The following CALN1 variants were observed in gnomAD, a reference collection of about 807,000 sequenced individuals.
CALN1 encodes the protein calneuron 1.
Under a neutral mutation model 30.6 loss-of-function variants are expected in CALN1, and 17 were observed. That is an observed-to-expected ratio of 0.56 (90% CI 0.38 to 0.83). The LOEUF (loss-of-function observed/expected upper bound fraction) is 0.83, where lower values mean the gene tolerates loss of function less well. CALN1 is among the 40% of genes least tolerant of loss of function. The pLI, the probability that CALN1 is intolerant of heterozygous loss-of-function variation, is 0.00. For synonymous variants in CALN1, 156 were observed against 131.4 expected, an observed-to-expected ratio of 1.19 and a Z score of -1.28; for missense variants, 291 against 354.9, an observed-to-expected ratio of 0.82 and a Z score of 1.45.
intron 2 of CALN1, among the ~76,000 whole-genome samples, chr7:72,331,665 AT>A (rs1423280234): frequency 6.6e-6 from 1 of 151,908 alleles, no homozygotes; most frequent in African/African-American, 2.4e-5. Flanking sequence ...TATTCATTTT[AT>A]TTTTTTTCCA....
chr7:72,475,941 CTTT>C, the CALN1 span, among the ~76,000 whole-genome samples: 102 of 75,870 alleles, frequency 1.3e-3, 1 homozygote, highest in Non-Finnish European at 1.9e-3. Context: ...CTCTCTCTCT[CTTT>C]TTTTTTTTTT....
chr7:72,352,746 A>G (rs1016546659), intron 2 of CALN1, among the ~76,000 whole-genome samples: 2 of 152,138 alleles, frequency 1.3e-5, no homozygotes, highest in African/African-American at 4.8e-5. Flanking sequence ...TAAAAAGAGA[A>G]GAACAAATTA....
upstream of CALN1, among the ~76,000 whole-genome samples, chr7:72,448,158 C>T (rs1173706555): frequency 6.6e-6 from 1 of 152,154 alleles, no homozygotes; most frequent in African/African-American, 2.4e-5. Context: ...ACACATCTTC[C>T]CATGCACACA....
chr7:71,818,503 G>C (rs938862207), intron 5 of CALN1, among the ~76,000 whole-genome samples: 1 of 151,934 alleles, frequency 6.6e-6, no homozygotes, highest in Non-Finnish European at 1.5e-5. Context: ...ACGGTGAAAA[G>C]CTTAATTGTA....
At chr7:72,094,132 T>A (rs576063399) in intron 4 of CALN1, among the ~76,000 whole-genome samples, 1 of 152,290 alleles carries the variant, frequency 6.6e-6, no homozygotes, top group South Asian at 2.1e-4. Context: ...ACATTCTAGG[T>A]CTGATGTGAA....
chr7:72,399,946 G>C (rs952541798), intron 2 of CALN1, among the ~76,000 whole-genome samples: 3 of 152,208 alleles, frequency 2.0e-5, no homozygotes, highest in Admixed American at 6.5e-5. Flanking sequence ...CATCTCTCTT[G>C]TTCCCTCTCT....
At position 72,214,301 on chromosome 7, in the gene CALN1, G is replaced by A. The variant is rs539176492; in HGVS notation, c.244+64385C>T. On this transcript the variant is annotated intron_variant, in intron 3 of 6. Coordinates refer to ENST00000395275, the MANE Select transcript of CALN1 (RefSeq NM_031468.4). ...TTGACACCAGCCTGGCCAACATGAT[G>A]AAACCCTGTCTCTACTAAAAATATA... Among the ~76,000 whole-genome samples, 482 of 152,226 alleles carry A rather than the reference G, an allele frequency of 3.2e-3. 1 individual carries two copies. Among genetic ancestry groups the A allele is most frequent in the Non-Finnish European group, 5.3e-3 (360 of 68,012 alleles).
In CALN1 at chr7:71,781,813, A is replaced by C. The variant is rs1261360194; in HGVS notation, c.*5962T>G. 6.6e-6 allele frequency: 1 copy of C among 152,202 alleles called. No homozygotes were observed. Among genetic ancestry groups the C allele is most frequent in the Non-Finnish European group, 1.5e-5 (1 of 68,042 alleles). 9.4% of individuals were successfully genotyped at this position (152,202 alleles called of 1,614,324 possible). ...CATGGGGGTTGTGCTCAACTGATGA[A>C]CTACCCCAAGGTCAGGGTAGGGGCA... On this transcript the variant is annotated 3_prime_UTR_variant, in exon 7 of 7. Transcript: ENST00000395275.
intron 1 of CALN1, 84 bp downstream of exon 1, chr7:72,411,971 TGAA>T (rs1807193835): frequency 6.6e-6 from 1 of 152,164 alleles, no homozygotes; most frequent in African/African-American, 2.4e-5. Flanking sequence ...CTCCAGACTA[TGAA>T]AGTACCCAGA....
chr7:72,203,979 CTT>C (rs869149598), intron 3 of CALN1, among the ~76,000 whole-genome samples: 435 of 83,508 alleles, frequency 5.2e-3, no homozygotes, highest in African/African-American at 0.022. Context: ...AGGCCTCTCT[CTT>C]TTTTTTTTTT....
At chr7:72,048,786 C>T (rs1489468049) in intron 4 of CALN1, among the ~76,000 whole-genome samples, 2 of 150,140 alleles carry the variant, frequency 1.3e-5, no homozygotes, top group Non-Finnish European at 3.0e-5. Context: ...CCCTCCCTTC[C>T]TCCTTCCTTT....
intron 3 of CALN1, among the ~76,000 whole-genome samples, chr7:72,185,674 G>A (rs1221723713): frequency 6.6e-6 from 1 of 152,136 alleles, no homozygotes; most frequent in African/African-American, 2.4e-5. Flanking sequence ...ACGTGTTGTG[G>A]GAGGGACACA....
intron 5 of CALN1, among the ~76,000 whole-genome samples, chr7:71,928,080 C>A (rs1795358964): frequency 6.6e-6 from 1 of 152,114 alleles, no homozygotes; most frequent in African/African-American, 2.4e-5. Flanking sequence ...TGTGCTTTGC[C>A]ACAGAAGTGA....
rs149331612 is a variant in CALN1 at position 72,022,106 on chromosome 7, TTTTC to T, written c.501+1547_501+1550del. ...ATCATGGCAGAACTGAAATGCCCTC[TTTTC>T]TTTCTTTGCATTTAATTCCACCCAT... On this transcript the variant is annotated intron_variant, in intron 5 of 6. Coordinates refer to ENST00000395275, the MANE Select transcript of CALN1 (RefSeq NM_031468.4). Among the ~76,000 whole-genome samples, 780 of 152,340 alleles carry T rather than the reference TTTTC, an allele frequency of 5.1e-3. 7 individuals carry two copies. The highest frequency in any genetic ancestry group is 0.017 in the African/African-American group (707 of 41,576).
intron 3 of CALN1, among the ~76,000 whole-genome samples, chr7:72,161,662 A>G (rs1194547857): frequency 6.6e-6 from 1 of 152,134 alleles, no homozygotes; most frequent in Non-Finnish European, 1.5e-5. Context: ...TTTGAGCTAG[A>G]AAGTTGGCGA....
chr7:72,494,239 G>T, the CALN1 span, among the ~76,000 whole-genome samples: 1 of 152,124 alleles, frequency 6.6e-6, no homozygotes, highest in Non-Finnish European at 1.5e-5. Flanking sequence ...TCACCTGATG[G>T]ATGTTCGTGC....
At position 72,269,258 on chromosome 7, in the gene CALN1, G is replaced by A. The variant is rs534850949; in HGVS notation, c.244+9428C>T. 1.6e-4 allele frequency among the ~76,000 whole-genome samples: 25 copies of A among 152,044 alleles called. No homozygotes were observed. The South Asian group carries it at 2.5e-3, about 15-fold the overall frequency. On this transcript the variant is annotated intron_variant, in intron 3 of 6. Transcript: ENST00000395275. ...GTTTTAGGGTACATGTGCACAATGC[G>A]CAGGTTTGTTACATATGTATACATG... is the stretch of plus-strand genomic sequence containing the variant.
chr7:71,998,559 A>G (rs1209098240), intron 5 of CALN1, among the ~76,000 whole-genome samples: 1 of 150,970 alleles, frequency 6.6e-6, no homozygotes, highest in Non-Finnish European at 1.5e-5. Context: ...TACAAAAACT[A>G]TACGAACAGA....
At chr7:72,103,353 A>T (rs1011596347) in intron 4 of CALN1, 2 of 166,686 alleles carry the variant, frequency 1.2e-5, no homozygotes, top group Non-Finnish European at 2.7e-5. Context: ...GGTCCTGGCC[A>T]GGTGTGAGGT....
Sources: gnomAD v4.1 joint callset for allele counts (sites outside exome capture counted in the v4.1 genomes callset) on GRCh38, gnomAD v4.1.1 for gene constraint, MANE v1.5 for transcripts, NCBI Gene and HGNC (gene_info 2026-07-23, HGNC 2026-07-21) for gene names.